The following FTO variants were observed in gnomAD, a reference collection of about 807,000 sequenced individuals.
FTO encodes the protein alpha-ketoglutarate-dependent dioxygenase FTO.
In FTO, 47 loss-of-function variants were observed where a neutral mutation model predicts 63.9. The ratio of observed to expected loss-of-function variants is 0.74; its 90% CI spans 0.58 to 0.94. The LOEUF is 0.94. Among genes scored for constraint, FTO ranks in the 40% least tolerant of loss-of-function variants. The probability of loss-of-function intolerance (pLI) is 0.00; values close to 1 mark genes in which losing one functional copy is unlikely to be tolerated. For missense variants in FTO, 562 were observed against 618.1 expected, an observed-to-expected ratio of 0.91 and a Z score of 0.96; for synonymous variants, 207 against 224.4, an observed-to-expected ratio of 0.92 and a Z score of 0.69.
chr16:53,904,930 A>G (rs1467751430), intron 7 of FTO, among the ~76,000 whole-genome samples: 2 of 151,900 alleles, frequency 1.3e-5, no homozygotes, highest in Non-Finnish European at 2.9e-5. Flanking sequence ...TTGCACACAT[A>G]GTTTGTTAGG....
chr16:53,798,564 T>C (rs1212028647), intron 1 of FTO, among the ~76,000 whole-genome samples: 1 of 152,200 alleles, frequency 6.6e-6, no homozygotes, highest in Non-Finnish European at 1.5e-5. Context: ...AATTTCAGAT[T>C]GTTGGTTGCT....
At chr16:53,713,825 C>G (rs902400057) in intron 1 of FTO, among the ~76,000 whole-genome samples, 1 of 152,168 alleles carries the variant, frequency 6.6e-6, no homozygotes, top group African/African-American at 2.4e-5. Context: ...TAGCAGATCT[C>G]TGGCACTGAT....
At chr16:53,794,952 G>A (rs1326966478) in intron 1 of FTO, among the ~76,000 whole-genome samples, 1 of 151,974 alleles carries the variant, frequency 6.6e-6, no homozygotes, top group Non-Finnish European at 1.5e-5. Flanking sequence ...TCAACAATGA[G>A]AACAAAAATT....
At chr16:53,891,013 C>T (rs530833069) in intron 7 of FTO, among the ~76,000 whole-genome samples, 9 of 148,234 alleles carry the variant, frequency 6.1e-5, no homozygotes, top group Admixed American at 2.7e-4. Context: ...TTTTTTGAGA[C>T]GGAGTCTTGC....
At chr16:54,051,803 CAAAG>C (rs1216166347) in intron 8 of FTO, among the ~76,000 whole-genome samples, 1 of 152,180 alleles carries the variant, frequency 6.6e-6, no homozygotes. Context: ...GGCTAGGAAA[CAAAG>C]GAAGTCTCTT....
At chr16:53,989,766 C>G (rs1358504367) in intron 8 of FTO, among the ~76,000 whole-genome samples, 1 of 152,074 alleles carries the variant, frequency 6.6e-6, no homozygotes, top group Non-Finnish European at 1.5e-5. Flanking sequence ...ATGCCTGCCT[C>G]TCCTGCCTCC....
At chr16:54,008,805 AAATAATAATAATAATAATAAT>A (rs142826263) in intron 8 of FTO, among the ~76,000 whole-genome samples, 53,204 of 140,786 alleles carry the variant, frequency 0.38, 10,697 homozygotes, top group South Asian at 0.46. Flanking sequence ...CTGTCTCCAC[AAATAATAATAATAATAATAAT>A]AATAATAATA....
chr16:53,985,122 A>C (rs1330468255), intron 8 of FTO, among the ~76,000 whole-genome samples: 1 of 152,156 alleles, frequency 6.6e-6, no homozygotes, highest in Non-Finnish European at 1.5e-5. Flanking sequence ...GGGAGAGAGA[A>C]GGGTGGCAAT....
intron 1 of FTO, among the ~76,000 whole-genome samples, chr16:53,790,553 A>G (rs922049169): frequency 6.7e-6 from 1 of 149,714 alleles, no homozygotes; most frequent in Admixed American, 6.7e-5. Context: ...CCCCATCTCT[A>G]TAAAGAAAAC....
At chr16:54,103,330 T>G (rs936170547) in intron 8 of FTO, among the ~76,000 whole-genome samples, 13 of 152,104 alleles carry the variant, frequency 8.5e-5, no homozygotes, top group Non-Finnish European at 4.4e-5. Flanking sequence ...GGCCCAAAAG[T>G]AGATGTATAT....
rs1189698106 is a variant in FTO at position 53,852,275 on chromosome 16, C to CA, written c.895+7986dup. On this transcript the variant is annotated intron_variant, in intron 4 of 8. Transcript: ENST00000471389. Reference sequence around the variant, plus strand: ...TGGGTGACAGAGCAAGACCTTGTCTCAAAAAAAAAGAAAAGAAAAAGAAAA... The same window carrying CA: ...TGGGTGACAGAGCAAGACCTTGTCTCAAAAAAAAAAGAAAAGAAAAAGAAAA... Among the ~76,000 whole-genome samples the CA allele has an allele frequency of 1.2e-3, 177 of 148,360 alleles. 1 individual carries two copies. In the East Asian group the frequency reaches 0.028, roughly 23 times the overall value.
chr16:53,710,266 CT>C (rs564940054), intron 1 of FTO, among the ~76,000 whole-genome samples: 390 of 132,844 alleles, frequency 2.9e-3, no homozygotes, highest in African/African-American at 7.1e-3. Flanking sequence ...CAGATTTTGC[CT>C]TTTTTTTTTT....
intron 1 of FTO, among the ~76,000 whole-genome samples, chr16:53,809,898 A>G (rs1598721023): frequency 6.6e-6 from 1 of 152,090 alleles, no homozygotes; most frequent in South Asian, 2.1e-4. Flanking sequence ...TTGTGATCAC[A>G]CCACTGTATT....
intron 3 of FTO, among the ~76,000 whole-genome samples, chr16:53,838,771 G>A (rs1467216165): frequency 6.6e-6 from 1 of 151,982 alleles, no homozygotes; most frequent in Non-Finnish European, 1.5e-5. Context: ...CCTGGGAGGT[G>A]GAGGTTGCAG....
At chr16:54,036,870 A>C (rs1162306299) in intron 8 of FTO, among the ~76,000 whole-genome samples, 1 of 152,208 alleles carries the variant, frequency 6.6e-6, no homozygotes, top group Non-Finnish European at 1.5e-5. Flanking sequence ...CAGTAAAATA[A>C]GGGACATGAT....
At chr16:53,999,111 C>G (rs76991296) in intron 8 of FTO, among the ~76,000 whole-genome samples, 162 of 152,272 alleles carry the variant, frequency 1.1e-3, no homozygotes, top group African/African-American at 3.8e-3. Flanking sequence ...CCATGTGGAG[C>G]ACCCAAGTAA....
Position 53,846,287 on chromosome 16 carries a change from C to T in FTO, c.895+1989C>T, listed in dbSNP as rs1002971383. On this transcript the variant is annotated intron_variant, in intron 4 of 8. Transcript: ENST00000471389. ...GGAAGTAAGTTTATTTTTTAAAGTC[C>T]CTACCCCATCATTGAGTGTCATTTG... Among the ~76,000 whole-genome samples the T allele has an allele frequency of 4.6e-5, 7 of 152,230 alleles. 1 individual carries two copies. The East Asian group carries it at 7.7e-4, about 17-fold the overall frequency.
intron 8 of FTO, among the ~76,000 whole-genome samples, chr16:54,052,010 C>T (rs972976474): frequency 2.0e-5 from 3 of 152,200 alleles, no homozygotes; most frequent in African/African-American, 2.4e-5. Flanking sequence ...AGAACACTCT[C>T]TAGACTTGTG....
chr16:53,804,400 G>T (rs1281827019), intron 1 of FTO, among the ~76,000 whole-genome samples: 1 of 152,144 alleles, frequency 6.6e-6, no homozygotes, highest in Non-Finnish European at 1.5e-5. Flanking sequence ...GTTTGCTTCC[G>T]ATGTGGTACC....
Sources: allele counts gnomAD v4.1 joint callset (sites outside exome capture counted in the v4.1 genomes callset), GRCh38; gene constraint gnomAD v4.1.1; transcripts MANE v1.5; gene names NCBI Gene and HGNC (gene_info 2026-07-23, HGNC 2026-07-21).